MERTK: variants seen among roughly 807,000 people sequenced by gnomAD.
MERTK encodes the protein tyrosine-protein kinase Mer.
A neutral mutation model predicts 99.3 loss-of-function variants in MERTK; 69 were observed. That is an observed-to-expected ratio of 0.70 (90% CI 0.57 to 0.85). The LOEUF (loss-of-function observed/expected upper bound fraction) is 0.85. Among genes scored for constraint, MERTK ranks in the 40% least tolerant of loss-of-function variants. The pLI, the probability that MERTK is intolerant of heterozygous loss-of-function variation, is 0.00. For synonymous variants in MERTK, 426 were observed against 467.6 expected, an observed-to-expected ratio of 0.91 and a Z score of 1.15; for missense variants, 1,125 against 1,249.4, an observed-to-expected ratio of 0.90 and a Z score of 1.50.
At chr2:111,915,170 T>C (rs913189565) in intron 1 of MERTK, among the ~76,000 whole-genome samples, 7 of 152,238 alleles carry the variant, frequency 4.6e-5, no homozygotes, top group Admixed American at 4.6e-4. Flanking sequence ...ACCAAATTCA[T>C]GTGTGGTTAT....
intron 1 of MERTK, among the ~76,000 whole-genome samples, chr2:111,920,948 G>A (rs1404875631): frequency 2.0e-5 from 3 of 152,148 alleles, no homozygotes; most frequent in Admixed American, 6.5e-5. Context: ...GAGCCACTGC[G>A]ACTGGCCACT....
intron 10 of MERTK, among the ~76,000 whole-genome samples, chr2:111,999,696 A>G (rs956972322): frequency 6.6e-6 from 1 of 152,214 alleles, no homozygotes; most frequent in Non-Finnish European, 1.5e-5. Flanking sequence ...AACAGCTTAC[A>G]TTATTAGTGT....
At chr2:111,968,036 GAACGAA>G in intron 5 of MERTK, 95 bp from the exon 6 acceptor site, 1 of 840,864 alleles carries the variant, frequency 1.2e-6, no homozygotes, top group South Asian at 1.4e-5. Context: ...TAATCTCAAG[GAACGAA>G]AACAGGTATT....
chr2:111,904,900 G>A (rs1343934690), intron 1 of MERTK, among the ~76,000 whole-genome samples: 4 of 152,140 alleles, frequency 2.6e-5, no homozygotes, highest in South Asian at 2.1e-4. Context: ...TCAGGTGCCC[G>A]GGAGGGAGCC....
intron 8 of MERTK, among the ~76,000 whole-genome samples, chr2:111,988,586 A>G (rs1676541866): frequency 1.3e-5 from 2 of 152,222 alleles, no homozygotes; most frequent in Non-Finnish European, 1.5e-5. Flanking sequence ...AATCATAGCC[A>G]CCACTGATTA....
chr2:112,029,401 A>AC lies in MERTK; in HGVS notation c.*537_*538insC. The AC allele has an allele frequency of 1.1e-6, 1 of 905,448 alleles. No homozygotes were observed. Among genetic ancestry groups the AC allele is most frequent in the Non-Finnish European group, 1.3e-6 (1 of 756,872 alleles). The allele number at this position is 905,448 out of a possible 1,614,324, so 56.1% of individuals were successfully genotyped here. ...TGAACTTACTTGAGACTTGAAAGAC[A>AC]GTGGTCGGCAGCGGCCTTGTGGCCT... is the stretch of plus-strand genomic sequence containing the variant. On this transcript the variant is annotated 3_prime_UTR_variant, in exon 19 of 19. Coordinates refer to ENST00000295408, the MANE Select transcript of MERTK (RefSeq NM_006343.3).
chr2:111,951,242 C>A (rs2104708037), intron 4 of MERTK, among the ~76,000 whole-genome samples: 1 of 152,034 alleles, frequency 6.6e-6, no homozygotes, highest in Non-Finnish European at 1.5e-5. Flanking sequence ...ATTTTGTTAA[C>A]TGTGCTGTAC....
chr2:111,982,039 T>G (rs2104740458), intron 7 of MERTK, among the ~76,000 whole-genome samples: 1 of 152,178 alleles, frequency 6.6e-6, no homozygotes, highest in African/African-American at 2.4e-5. Context: ...CTATTTTACT[T>G]TAGGTGCTCA....
chr2:112,023,762 G>A (rs1677406369), intron 18 of MERTK, among the ~76,000 whole-genome samples: 1 of 152,164 alleles, frequency 6.6e-6, no homozygotes, highest in Non-Finnish European at 1.5e-5. Context: ...AGGGCCATGG[G>A]CTTGGAGAGG....
chr2:111,940,515 T>C (rs1007158522), intron 2 of MERTK: 36 of 596,838 alleles, frequency 6.0e-5, no homozygotes, highest in Non-Finnish European at 1.1e-4. Flanking sequence ...CCTCTTTTGT[T>C]TGATTTGCTT....
At chr2:111,997,761 T>A (rs943463581) in intron 10 of MERTK, among the ~76,000 whole-genome samples, 2 of 152,182 alleles carry the variant, frequency 1.3e-5, no homozygotes, top group Admixed American at 1.3e-4. Context: ...ATTAGAAGCC[T>A]TAAAAATAGG....
intron 1 of MERTK, among the ~76,000 whole-genome samples, chr2:111,909,228 C>A (rs937286198): frequency 6.6e-6 from 1 of 152,088 alleles, no homozygotes; most frequent in African/African-American, 2.4e-5. Flanking sequence ...TAACGCAGGC[C>A]TCTGTAACAA....
intron 5 of MERTK, among the ~76,000 whole-genome samples, chr2:111,966,364 A>G (rs954412112): frequency 6.6e-6 from 1 of 152,222 alleles, no homozygotes; most frequent in Non-Finnish European, 1.5e-5. Flanking sequence ...CACTGGGATA[A>G]AAAAATAACC....
chr2:111,989,634 C>A (rs1247529467), intron 8 of MERTK, among the ~76,000 whole-genome samples: 1 of 152,154 alleles, frequency 6.6e-6, no homozygotes, highest in Admixed American at 6.5e-5. Flanking sequence ...GGATTACAGG[C>A]GTAAGCCACC....
chr2:111,914,910 A>G (rs755776352), intron 1 of MERTK, among the ~76,000 whole-genome samples: 4 of 152,196 alleles, frequency 2.6e-5, no homozygotes, highest in Admixed American at 1.3e-4. Context: ...CATAAAATAT[A>G]TTAGGAAGTT....
chr2:111,943,679 T>C (rs928495694), intron 2 of MERTK, among the ~76,000 whole-genome samples: 1 of 152,214 alleles, frequency 6.6e-6, no homozygotes, highest in Non-Finnish European at 1.5e-5. Flanking sequence ...AATACAGTCA[T>C]GCTGTCAGTG....
At chr2:111,973,360 C>G (rs1676162706) in intron 6 of MERTK, among the ~76,000 whole-genome samples, 1 of 152,116 alleles carries the variant, frequency 6.6e-6, no homozygotes, top group East Asian at 1.9e-4. Context: ...CAGCCACCAC[C>G]AAGACAAGCG....
chr2:111,950,359 A>G (rs1282839555), intron 4 of MERTK, among the ~76,000 whole-genome samples: 1 of 152,240 alleles, frequency 6.6e-6, no homozygotes, highest in Non-Finnish European at 1.5e-5. Context: ...TAAAGCAGCT[A>G]TGAATATTTG....
intron 2 of MERTK, among the ~76,000 whole-genome samples, chr2:111,934,568 G>A (rs1379957042): frequency 2.0e-5 from 3 of 151,954 alleles, no homozygotes; most frequent in Non-Finnish European, 2.9e-5. Context: ...TGATGGGGTC[G>A]TTTGTTTTTT....
Sources: gnomAD v4.1 joint callset for allele counts (sites outside exome capture counted in the v4.1 genomes callset) on GRCh38, gnomAD v4.1.1 for gene constraint, MANE v1.5 for transcripts, NCBI Gene and HGNC (gene_info 2026-07-23, HGNC 2026-07-21) for gene names.